GFRA2: variants seen among roughly 807,000 people sequenced by gnomAD.
The protein encoded by GFRA2 is GDNF family receptor alpha 2, also known as GDNF family receptor alpha-2.
GFRA2 carries 17 observed loss-of-function variants against 48.3 expected under a neutral mutation model. That is an observed-to-expected ratio of 0.35 (90% confidence interval 0.24 to 0.53). The LOEUF (loss-of-function observed/expected upper bound fraction) is 0.53. Among genes scored for constraint, GFRA2 ranks in the 20% least tolerant of loss-of-function variants. The probability of loss-of-function intolerance (pLI) is 0.93; values close to 1 mark genes in which losing one functional copy is unlikely to be tolerated. For missense variants in GFRA2, 660 were observed against 637.3 expected (o/e 1.04, Z -0.38); for synonymous variants, 305 against 257.2 (o/e 1.19, Z -1.78).
intron 4 of GFRA2, among the ~76,000 whole-genome samples, chr8:21,711,350 G>C (rs1322996496): frequency 6.6e-6 from 1 of 152,196 alleles, no homozygotes; most frequent in East Asian, 1.9e-4. Flanking sequence ...AAAAAACAGA[G>C]AGCCAGCAAG....
chr8:21,735,271 T>C (rs960276555), intron 4 of GFRA2, among the ~76,000 whole-genome samples: 1 of 152,198 alleles, frequency 6.6e-6, no homozygotes, highest in Non-Finnish European at 1.5e-5. Flanking sequence ...AACCATGTTT[T>C]CAGGCACAAC....
chr8:21,771,341 C>T (rs1806429150), intron 3 of GFRA2, among the ~76,000 whole-genome samples: 1 of 152,214 alleles, frequency 6.6e-6, no homozygotes. Context: ...GGACAAAACT[C>T]ACTTCCTCTC....
chr8:21,795,287 C>G (rs1210714338), intron 2 of GFRA2, among the ~76,000 whole-genome samples: 1 of 152,206 alleles, frequency 6.6e-6, no homozygotes, highest in East Asian at 1.9e-4. Context: ...GTCCTTACAA[C>G]ATCCCTGGGA....
At chr8:21,732,784 C>T (rs796390533) in intron 4 of GFRA2, among the ~76,000 whole-genome samples, 146 of 152,296 alleles carry the variant, frequency 9.6e-4, no homozygotes, top group African/African-American at 3.4e-3. Flanking sequence ...GGAGCTAAAT[C>T]CACACACTTA....
intron 4 of GFRA2, among the ~76,000 whole-genome samples, chr8:21,742,402 C>CAA (rs1804790710): frequency 6.6e-6 from 1 of 152,142 alleles, no homozygotes; most frequent in South Asian, 2.1e-4. Context: ...GGAAAAAGGC[C>CAA]CTCATCACAG....
At chr8:21,749,682 T>C (rs911643414) in intron 4 of GFRA2, among the ~76,000 whole-genome samples, 7 of 151,722 alleles carry the variant, frequency 4.6e-5, no homozygotes, top group African/African-American at 1.7e-4. Flanking sequence ...GTCCCTTTTA[T>C]ATATATATAA....
At chr8:21,761,827 G>A (rs2117648841) in intron 3 of GFRA2, among the ~76,000 whole-genome samples, 1 of 152,242 alleles carries the variant, frequency 6.6e-6, no homozygotes. Flanking sequence ...GTGCGCACCT[G>A]TAATCCCAGC....
At chr8:21,773,769 G>T (rs1806553054) in intron 3 of GFRA2, among the ~76,000 whole-genome samples, 1 of 152,208 alleles carries the variant, frequency 6.6e-6, no homozygotes, top group Admixed American at 6.5e-5. Flanking sequence ...CACTGGAAAT[G>T]CTTTCAGCTC....
rs549280138 is a variant in GFRA2, at chr8:21,748,748, G to C, written c.794+1840C>G. Among the ~76,000 whole-genome samples, 8 of 152,250 alleles carry C rather than the reference G, an allele frequency of 5.3e-5. No individual in the cohort carries two copies. The South Asian group carries it at 1.7e-3, about 32-fold the overall frequency. On this transcript the variant is annotated intron_variant, in intron 4 of 8. Coordinates refer to ENST00000524240, the MANE Select transcript of GFRA2 (RefSeq NM_001495.5). ...AATGAGACAGAAAGCCTCTAGAACAGTGTCCACAACACAACAGGCTATCTA... is the reference window on the plus strand; with the variant it reads ...AATGAGACAGAAAGCCTCTAGAACACTGTCCACAACACAACAGGCTATCTA...
intron 4 of GFRA2, among the ~76,000 whole-genome samples, chr8:21,735,516 C>T (rs191683041): frequency 3.2e-4 from 49 of 152,228 alleles, no homozygotes; most frequent in Non-Finnish European, 5.3e-4. Context: ...CACAGAGAGC[C>T]GCTGTGTGGA....
chr8:21,804,150 T>C (rs1457145271), intron 2 of GFRA2, among the ~76,000 whole-genome samples: 1 of 152,018 alleles, frequency 6.6e-6, no homozygotes, highest in African/African-American at 2.4e-5. Context: ...ACCACAAACC[T>C]ATACTGCTGC....
At chr8:21,753,168 G>A (rs1805381102) in intron 3 of GFRA2, among the ~76,000 whole-genome samples, 1 of 152,200 alleles carries the variant, frequency 6.6e-6, no homozygotes. Flanking sequence ...TGTGCTGTCT[G>A]ATTTGCTGTG....
At chr8:21,728,271 T>TTG (rs1358359105) in intron 4 of GFRA2, among the ~76,000 whole-genome samples, 4 of 133,220 alleles carry the variant, frequency 3.0e-5, no homozygotes, top group East Asian at 2.2e-4. Flanking sequence ...CCAGGTTTTT[T>TTG]TTTTTTTTTT....
At chr8:21,775,393 G>A (rs1450575176) in intron 2 of GFRA2, among the ~76,000 whole-genome samples, 2 of 152,214 alleles carry the variant, frequency 1.3e-5, no homozygotes, top group Admixed American at 6.5e-5. Flanking sequence ...GTGGAGCAAT[G>A]CTGGCCCACG....
chr8:21,778,379 A>G (rs1806813149), intron 2 of GFRA2, among the ~76,000 whole-genome samples: 1 of 152,134 alleles, frequency 6.6e-6, no homozygotes, highest in African/African-American at 2.4e-5. Flanking sequence ...AAGACCCAGG[A>G]GAAGGTAGAA....
chr8:21,782,459 G>A, intron 2 of GFRA2, 126 bp downstream of exon 2: 1 of 701,436 alleles, frequency 1.4e-6, no homozygotes. Flanking sequence ...CCCCTAGCAG[G>A]TAGACATAGA....
chr8:21,708,396 C>T (rs949054340), intron 4 of GFRA2, among the ~76,000 whole-genome samples: 1 of 152,202 alleles, frequency 6.6e-6, no homozygotes, highest in Admixed American at 6.5e-5. Flanking sequence ...AGGTGGGAGT[C>T]TCCATTCATG....
At position 21,702,895 on chromosome 8, in the gene GFRA2, A is replaced by G; in HGVS notation, c.1128T>C (p.Pro376=). 1 of 1,604,456 alleles carries G rather than the reference A, an allele frequency of 6.2e-7. No individual in the cohort carries two copies. Reference sequence around the variant, plus strand: ...GCAAAGAAGGCGTCTTCTCCACCCGAGGGGCCTGGGTGGCCTGGAACGAGG... The same window carrying G: ...GCAAAGAAGGCGTCTTCTCCACCCGGGGGGCCTGGGTGGCCTGGAACGAGG... ...KGPSFQATQA[P]RVEKTPSLPD... Residue 376 remains proline (P), a synonymous_variant, in exon 7 of 9, where the codon CCT becomes CCC. Transcript: ENST00000524240.
chr8:21,796,883 A>G (rs1807686587), intron 2 of GFRA2, among the ~76,000 whole-genome samples: 1 of 152,244 alleles, frequency 6.6e-6, no homozygotes, highest in South Asian at 2.1e-4. Flanking sequence ...AACTACCAGC[A>G]AGTGCACGGC....
Sources: gnomAD v4.1 joint callset for allele counts (sites outside exome capture counted in the v4.1 genomes callset) on GRCh38, gnomAD v4.1.1 for gene constraint, MANE v1.5 for transcripts, NCBI Gene and HGNC (gene_info 2026-07-23, HGNC 2026-07-21) for gene names.